MTUS2: variants seen among roughly 807,000 people sequenced by gnomAD.
The protein encoded by MTUS2 is microtubule-associated tumor suppressor candidate 2.
MTUS2 carries 40 observed loss-of-function variants against 114.1 expected under a neutral mutation model. That is an observed-to-expected ratio of 0.35 (90% CI 0.27 to 0.46). MTUS2 has a LOEUF of 0.46. Ranked by LOEUF, MTUS2 falls within the 20% of genes least tolerant of loss-of-function variation. MTUS2 has a pLI of 1.00. For missense variants in MTUS2, 1,679 were observed against 1,705.4 expected (o/e 0.98, Z 0.27); for synonymous variants, 688 against 672.0 (o/e 1.02, Z -0.37).
At chr13:29,178,779 T>A (rs1893880108) in intron 5 of MTUS2, among the ~76,000 whole-genome samples, 1 of 152,230 alleles carries the variant, frequency 6.6e-6, no homozygotes, top group Admixed American at 6.5e-5. Flanking sequence ...TCATTTTTCC[T>A]GTCTTTTGTG....
chr13:29,060,445 G>C (rs1031651538), intron 4 of MTUS2, among the ~76,000 whole-genome samples: 2 of 151,314 alleles, frequency 1.3e-5, no homozygotes, highest in African/African-American at 4.9e-5. Context: ...TTGGCTCCAT[G>C]TTGAGCCCAG....
intron 2 of MTUS2, among the ~76,000 whole-genome samples, chr13:28,871,998 C>A (rs968393602): frequency 6.6e-6 from 1 of 152,136 alleles, no homozygotes; most frequent in Non-Finnish European, 1.5e-5. Flanking sequence ...CTTGGGACCT[C>A]ATGCTAAAGG....
rs894159835 is a variant in MTUS2, at chr13:29,323,104, G to A, written c.2807-1509G>A. Among the ~76,000 whole-genome samples the A allele has an allele frequency of 1.4e-4, 21 of 152,304 alleles. 1 individual carries two copies. The Middle Eastern group carries it at 0.014, about 99-fold the overall frequency. ...GACTGAATCCAGCAAAAGCAATTCT[G>A]TGCATTTGTCCTCTGAAGATCCTGG... On this transcript the variant is annotated intron_variant, in intron 6 of 15. Coordinates refer to ENST00000612955, the MANE Select transcript of MTUS2 (RefSeq NM_001033602.4).
chr13:29,436,995 G>A (rs377302330), intron 8 of MTUS2, among the ~76,000 whole-genome samples: 2 of 152,092 alleles, frequency 1.3e-5, no homozygotes, highest in South Asian at 2.1e-4. Flanking sequence ...GCGCCATACC[G>A]AAGAGGCCTG....
In MTUS2 at chr13:29,193,619, GC is replaced by G. The variant is rs1336920636; in HGVS notation, c.2645-88084del. Among the ~76,000 whole-genome samples, 3 of 152,072 alleles carry G rather than the reference GC, an allele frequency of 2.0e-5. No homozygotes were observed. The East Asian group carries it at 5.8e-4, about 29-fold the overall frequency. ...GGATACAAAGAAATGGAAGAACATTGCATGCTCGTAGGTAGGAAGAATCAAT... is the reference window on the plus strand; with the variant it reads ...GGATACAAAGAAATGGAAGAACATTGATGCTCGTAGGTAGGAAGAATCAAT... On this transcript the variant is annotated intron_variant, in intron 5 of 15. Coordinates refer to ENST00000612955, the MANE Select transcript of MTUS2 (RefSeq NM_001033602.4).
rs141509084 is a variant in MTUS2 at position 29,108,094 on chromosome 13, G to A, written c.2644+7124G>A. Among the ~76,000 whole-genome samples the A allele has an allele frequency of 2.9e-4, 44 of 152,196 alleles. 1 individual carries two copies. The highest frequency in any genetic ancestry group is 8.7e-4 in the African/African-American group (36 of 41,524). ...ATACATAACACATTTGATTTTCTAC[G>A]TCTGACATGCATTTTAAATAAGATC... On this transcript the variant is annotated intron_variant, in intron 5 of 15. Coordinates refer to ENST00000612955, the MANE Select transcript of MTUS2 (RefSeq NM_001033602.4).
intron 2 of MTUS2, among the ~76,000 whole-genome samples, chr13:28,889,477 G>A (rs1333592189): frequency 1.3e-5 from 2 of 152,122 alleles, no homozygotes; most frequent in Non-Finnish European, 2.9e-5. Context: ...TCTCTGTGTC[G>A]TTGGGCTTGC....
At chr13:28,954,557 G>C (rs1390794911) in intron 2 of MTUS2, among the ~76,000 whole-genome samples, 1 of 152,166 alleles carries the variant, frequency 6.6e-6, no homozygotes, top group Admixed American at 6.5e-5. Context: ...GGCCCATATG[G>C]GGAGTGGGTG....
intron 7 of MTUS2, among the ~76,000 whole-genome samples, chr13:29,340,745 A>G (rs763837159): frequency 2.0e-5 from 3 of 152,202 alleles, no homozygotes; most frequent in Non-Finnish European, 2.9e-5. Flanking sequence ...TGGTGCACCC[A>G]TTACTCTAGC....
At chr13:28,866,504 A>G (rs1410617133) in intron 2 of MTUS2, among the ~76,000 whole-genome samples, 1 of 152,140 alleles carries the variant, frequency 6.6e-6, no homozygotes, top group African/African-American at 2.4e-5. Context: ...TTCTTGGGTT[A>G]GAAATATTCT....
chr13:29,039,194 T>C (rs1370109115), intron 4 of MTUS2, among the ~76,000 whole-genome samples: 4 of 152,198 alleles, frequency 2.6e-5, no homozygotes, highest in Admixed American at 2.0e-4. Flanking sequence ...CTGGTGCTTC[T>C]GGGCTCGGGG....
chr13:29,175,065 T>C (rs1339413362), intron 5 of MTUS2, among the ~76,000 whole-genome samples: 1 of 152,206 alleles, frequency 6.6e-6, no homozygotes, highest in African/African-American at 2.4e-5. Context: ...ATAACCAGGA[T>C]CTGAGAATCT....
At chr13:29,244,955 C>CAAAAAAAAAAAAAAAAAAAAAA (rs56095961) in intron 5 of MTUS2, among the ~76,000 whole-genome samples, 7 of 60,506 alleles carry the variant, frequency 1.2e-4, no homozygotes, top group Admixed American at 2.0e-4. Flanking sequence ...GACTCCGTCT[C>CAAAAAAAAAAAAAAAAAAAAAA]AAAAAAAAAA....
intron 6 of MTUS2, among the ~76,000 whole-genome samples, chr13:29,291,250 C>T (rs1898701021): frequency 6.6e-6 from 1 of 152,170 alleles, no homozygotes; most frequent in South Asian, 2.1e-4. Context: ...GTTGTTAACC[C>T]TGTGGTCTCC....
intron 2 of MTUS2, among the ~76,000 whole-genome samples, chr13:28,860,558 T>C (rs898619306): frequency 6.6e-6 from 1 of 151,964 alleles, no homozygotes; most frequent in African/African-American, 2.4e-5. Context: ...GGCAGTGGAG[T>C]GCACCTTAGC....
In MTUS2 at chr13:29,024,835, C is replaced by T. The variant is rs1461073495; in HGVS notation, c.137C>T (p.Ser46Phe). The T allele has an allele frequency of 1.9e-6, 3 of 1,613,868 alleles. No homozygotes were observed. The highest frequency in any genetic ancestry group is 2.5e-6 in the Non-Finnish European group (3 of 1,179,894). The change falls in exon 3 of 16, where the codon TCC (serine) becomes TTC (phenylalanine). Residue 46 changes from serine to phenylalanine, a missense_variant. By Grantham distance (155) the Ser-to-Phe change is radical. Coordinates refer to ENST00000612955, the MANE Select transcript of MTUS2 (RefSeq NM_001033602.4). ...AATCAAATCATGTTGGAGGTCAGCTCCTCTCATGACGAGTCCAAGACATGT... is the reference window on the plus strand; with the variant it reads ...AATCAAATCATGTTGGAGGTCAGCTTCTCTCATGACGAGTCCAAGACATGT... Reference protein sequence around the residue: ...NANQIMLEVSSSHDESKTCDL... With the variant: ...NANQIMLEVSFSHDESKTCDL...
chr13:29,295,665 A>G (rs1017177083), intron 6 of MTUS2, among the ~76,000 whole-genome samples: 7 of 152,160 alleles, frequency 4.6e-5, no homozygotes, highest in African/African-American at 1.7e-4. Flanking sequence ...GTCCATTTTC[A>G]TACCACTATG....
chr13:29,144,392 G>T lies in MTUS2; in HGVS notation c.2644+43422G>T, dbSNP rs374279904. Among the ~76,000 whole-genome samples the T allele has an allele frequency of 4.0e-5, 6 of 150,866 alleles. No individual in the cohort carries two copies. In the East Asian group the frequency reaches 1.2e-3, roughly 29 times the overall value. ...TTTTTTTTTTTTTTGAGTTGGGGGT[G>T]TTGCTCTGTCTCTTAGGCTAGTGTG... On this transcript the variant is annotated intron_variant, in intron 5 of 15. Coordinates refer to ENST00000612955, the MANE Select transcript of MTUS2 (RefSeq NM_001033602.4).
intron 4 of MTUS2, among the ~76,000 whole-genome samples, chr13:29,090,991 T>C (rs1889919532): frequency 6.6e-6 from 1 of 152,128 alleles, no homozygotes; most frequent in Non-Finnish European, 1.5e-5. Context: ...TAGTCCACTC[T>C]ATTCTTAGCT....
Sources: gnomAD v4.1 joint callset for allele counts (sites outside exome capture counted in the v4.1 genomes callset) on GRCh38, gnomAD v4.1.1 for gene constraint, MANE v1.5 for transcripts, NCBI Gene and HGNC (gene_info 2026-07-23, HGNC 2026-07-21) for gene names.